The following ACADSB variants were observed in gnomAD, a reference collection of about 807,000 sequenced individuals.
The protein encoded by ACADSB is acyl-CoA dehydrogenase short/branched chain.
A neutral mutation model predicts 54.1 loss-of-function variants in ACADSB; 40 were observed. That is an observed-to-expected ratio of 0.74 (90% CI 0.57 to 0.96). The LOEUF (loss-of-function observed/expected upper bound fraction) is 0.96. ACADSB is among the 40% of genes least tolerant of loss of function. The pLI is 0.00. For missense variants in ACADSB, 530 were observed against 510.4 expected, an observed-to-expected ratio of 1.04 and a Z score of -0.37; for synonymous variants, 182 against 182.8, an observed-to-expected ratio of 1.00 and a Z score of 0.03.
intron 5 of ACADSB, among the ~76,000 whole-genome samples, chr10:123,042,682 A>G (rs1850491093): frequency 6.6e-6 from 1 of 152,008 alleles, no homozygotes; most frequent in South Asian, 2.1e-4. Flanking sequence ...CCCTGACCTC[A>G]GGTAATCCGC....
intron 1 of ACADSB, among the ~76,000 whole-genome samples, chr10:123,031,715 C>T (rs1850329628): frequency 6.6e-6 from 1 of 152,194 alleles, no homozygotes; most frequent in African/African-American, 2.4e-5. Flanking sequence ...ATTCCATTCA[C>T]TTAGCATATG....
Position 123,041,304 on chromosome 10 carries a change from T to G in ACADSB, c.606T>G (p.Asn202Lys). 1.9e-6 allele frequency: 3 copies of G among 1,614,236 alleles called. No individual in the cohort carries two copies. The highest frequency in any genetic ancestry group is 1.7e-6 in the Non-Finnish European group (2 of 1,180,026). Reference protein sequence around the residue: ...ADKEGDYYVLNGSKMWISSAE... With the variant: ...ADKEGDYYVLKGSKMWISSAE... The stretch of plus-strand genomic sequence containing the variant: ...AAGAGGGAGATTATTATGTCCTCAA[T>G]GGATCAAAGATGTGGATCAGCAGTG... Residue 202 changes from asparagine to lysine, a missense_variant, in exon 5 of 11, where the codon AAT (asparagine) becomes AAG (lysine). Transcript: ENST00000358776.
intron 1 of ACADSB, among the ~76,000 whole-genome samples, chr10:123,024,013 G>T (rs1850216498): frequency 6.6e-6 from 1 of 152,214 alleles, no homozygotes; most frequent in Non-Finnish European, 1.5e-5. Context: ...CCTTAGGTGG[G>T]CACCAATCCC....
intron 2 of ACADSB, among the ~76,000 whole-genome samples, chr10:123,035,172 G>T (rs899231884): frequency 2.0e-5 from 3 of 151,986 alleles, no homozygotes; most frequent in African/African-American, 4.8e-5. Context: ...TAGTCAGGAT[G>T]GTCTCGATCT....
At chr10:123,047,377 G>A (rs1172926941) in intron 8 of ACADSB, 79 bp downstream of exon 8, 6 of 1,028,938 alleles carry the variant, frequency 5.8e-6, no homozygotes, top group Non-Finnish European at 7.7e-6. Flanking sequence ...TGAAATCCAT[G>A]GAGGGAATCC....
At chr10:123,051,313 C>A in intron 9 of ACADSB, 127 bp downstream of exon 9, 2 of 1,194,120 alleles carry the variant, frequency 1.7e-6, no homozygotes, top group Non-Finnish European at 2.2e-6. Flanking sequence ...GTTAAGATAA[C>A]ATGGACTTTT....
At chr10:123,050,958 T>C (rs1365691929) in intron 8 of ACADSB, 91 bp from the exon 9 acceptor site, 4 of 1,369,476 alleles carry the variant, frequency 2.9e-6, no homozygotes, top group Non-Finnish European at 4.0e-6. Context: ...ATTTTGAGTC[T>C]GTCAGTGTTG....
intron 6 of ACADSB, 110 bp downstream of exon 6, chr10:123,043,281 G>A (rs543402644): frequency 7.7e-5 from 103 of 1,343,936 alleles, no homozygotes; most frequent in South Asian, 6.3e-4. Flanking sequence ...ATAAGCACAC[G>A]CAGGAGAGTA....
At chr10:123,034,617 T>G in intron 2 of ACADSB, 102 bp downstream of exon 2, 2 of 1,312,444 alleles carry the variant, frequency 1.5e-6, no homozygotes, top group Non-Finnish European at 2.2e-6. Flanking sequence ...GGGCTCAAGC[T>G]ATCCTGCTTC....
Position 123,037,828 on chromosome 10 carries a change from A to G in ACADSB, c.284A>G (p.Gln95Arg), listed in dbSNP as rs773529847. 6.2e-7 allele frequency: 1 copy of G among 1,600,536 alleles called. No individual in the cohort carries two copies. The highest frequency in any genetic ancestry group is 8.6e-7 in the Non-Finnish European group (1 of 1,167,918). The change falls in exon 3 of 11, where the codon CAA becomes CGA. Residue 95 changes from glutamine (Q) to arginine (R), a missense_variant. Physicochemically the swap from Gln to Arg is conservative, Grantham distance 43. Transcript: ENST00000358776. ...ENSKMEKSVIQGLFQQGLMGI... is the reference protein window; with the variant it reads ...ENSKMEKSVIRGLFQQGLMGI... ...TCGAAAATGGAGAAATCAGTAATAC[A>G]AGGATTATTTCAACAAGGGGTACAT...
chr10:123,042,669 A>C (rs1170730053), intron 5 of ACADSB, among the ~76,000 whole-genome samples: 1 of 152,068 alleles, frequency 6.6e-6, no homozygotes, highest in East Asian at 1.9e-4. Flanking sequence ...GCTGGTTTCA[A>C]ACCCCTGACC....
chr10:123,047,668 C>T (rs1199083069), intron 8 of ACADSB, among the ~76,000 whole-genome samples: 1 of 152,180 alleles, frequency 6.6e-6, no homozygotes, highest in Non-Finnish European at 1.5e-5. Flanking sequence ...TAGTCTTAAA[C>T]TGCCTCATCT....
intron 1 of ACADSB, among the ~76,000 whole-genome samples, chr10:123,024,733 A>G (rs1288674921): frequency 1.3e-5 from 2 of 152,218 alleles, no homozygotes; most frequent in African/African-American, 4.8e-5. Context: ...GGCCGGGCCC[A>G]AGCAAGCAGC....
At chr10:123,013,241 T>C (rs1157930519) in intron 1 of ACADSB, among the ~76,000 whole-genome samples, 2 of 152,138 alleles carry the variant, frequency 1.3e-5, no homozygotes. Flanking sequence ...ATAAAGATTC[T>C]TCAAGTCACC....
At chr10:123,045,954 C>G (rs1307481209) in intron 7 of ACADSB, among the ~76,000 whole-genome samples, 1 of 152,158 alleles carries the variant, frequency 6.6e-6, no homozygotes, top group South Asian at 2.1e-4. Flanking sequence ...CATCTGTCCT[C>G]GAAACCTTGC....
At chr10:123,050,891 T>C (rs937147887) in intron 8 of ACADSB, among the ~76,000 whole-genome samples, 158 bp from the exon 9 acceptor site, 2 of 152,230 alleles carry the variant, frequency 1.3e-5, no homozygotes, top group African/African-American at 4.8e-5. Flanking sequence ...CATTTCATTT[T>C]AGATTACTCA....
chr10:123,017,165 T>A (rs922476173), intron 1 of ACADSB, among the ~76,000 whole-genome samples: 1 of 152,152 alleles, frequency 6.6e-6, no homozygotes, highest in Non-Finnish European at 1.5e-5. Context: ...TAAAAAAAAA[T>A]TTAAACTCCA....
chr10:123,030,522 G>C (rs953258733), intron 1 of ACADSB, among the ~76,000 whole-genome samples: 1 of 118,404 alleles, frequency 8.4e-6, no homozygotes, highest in Non-Finnish European at 1.8e-5. Context: ...GCGAGACTCT[G>C]TCTCAAAAAA....
At chr10:123,042,432 T>A (rs1850487295) in intron 5 of ACADSB, among the ~76,000 whole-genome samples, 1 of 150,814 alleles carries the variant, frequency 6.6e-6, no homozygotes, top group South Asian at 2.1e-4. Flanking sequence ...TTCACTAATG[T>A]AACAATTGAA....
Sources: gnomAD v4.1 joint callset for allele counts (sites outside exome capture counted in the v4.1 genomes callset) on GRCh38, gnomAD v4.1.1 for gene constraint, MANE v1.5 for transcripts, NCBI Gene and HGNC (gene_info 2026-07-23, HGNC 2026-07-21) for gene names.